ATRN: variants seen among roughly 807,000 people sequenced by gnomAD.
ATRN encodes the protein attractin-2.
In ATRN, 54 loss-of-function variants were observed where a neutral mutation model predicts 178.7. The observed-to-expected ratio is 0.30, with a 90% CI of 0.24 to 0.38. The LOEUF is 0.38. Among genes scored for constraint, ATRN ranks in the 10% least tolerant of loss-of-function variants. The pLI is 1.00. For missense variants in ATRN, 1,443 were observed against 1,815.1 expected (o/e 0.79, Z 3.73); for synonymous variants, 636 against 663.0 (o/e 0.96, Z 0.63).
At chr20:3,514,358 T>A (rs2085178033) in intron 1 of ATRN, among the ~76,000 whole-genome samples, 1 of 152,220 alleles carries the variant, frequency 6.6e-6, no homozygotes, top group Non-Finnish European at 1.5e-5. Context: ...AATTCTATTC[T>A]TGTTTTCATA....
At chr20:3,564,114 G>A (rs765916218) in intron 10 of ATRN, among the ~76,000 whole-genome samples, 3 of 152,104 alleles carry the variant, frequency 2.0e-5, no homozygotes, top group African/African-American at 4.8e-5. Flanking sequence ...TCAGACATTC[G>A]TTTTTAACAG....
At chr20:3,609,372 T>C (rs905054761) in intron 24 of ATRN, among the ~76,000 whole-genome samples, 11 of 152,198 alleles carry the variant, frequency 7.2e-5, no homozygotes, top group African/African-American at 2.7e-4. Flanking sequence ...CTGATTTTTG[T>C]GTGTTGATTT....
chr20:3,594,597 CCAGGGAGGACCAA>C, intron 20 of ATRN, 25 bp downstream of exon 20: 1 of 1,587,422 alleles, frequency 6.3e-7, no homozygotes, highest in Non-Finnish European at 8.6e-7. Flanking sequence ...CCCTGGACCA[CCAGGGAGGACCAA>C]GAGGCTGTGC....
Position 3,580,259 on chromosome 20 carries a change from C to G in ATRN, c.2544+1487C>G, listed in dbSNP as rs183528454. On this transcript the variant is annotated intron_variant, in intron 15 of 28. Coordinates refer to ENST00000262919, the MANE Select transcript of ATRN (RefSeq NM_139321.3). Reference sequence around the variant, plus strand: ...TACCCTGGTGTCTCTAACAATGACTCTCGAGTCCACAGAAGTTAAAAGGGT... The same window carrying G: ...TACCCTGGTGTCTCTAACAATGACTGTCGAGTCCACAGAAGTTAAAAGGGT... Among the ~76,000 whole-genome samples the G allele has an allele frequency of 4.6e-3, 702 of 152,252 alleles. 2 individuals are homozygous for G. The highest frequency in any genetic ancestry group is 0.02 in the Middle Eastern group (6 of 294).
intron 8 of ATRN, 76 bp downstream of exon 8, chr20:3,560,981 A>G: frequency 6.5e-7 from 1 of 1,540,526 alleles, no homozygotes; most frequent in Non-Finnish European, 8.9e-7. Flanking sequence ...TTGACTGTTT[A>G]GAAAAGTTCA....
chr20:3,519,516 A>G (rs1014642029), intron 1 of ATRN, among the ~76,000 whole-genome samples: 1 of 152,210 alleles, frequency 6.6e-6, no homozygotes, highest in Admixed American at 6.5e-5. Flanking sequence ...AAAGATAGAA[A>G]TCATGAAAGC....
At chr20:3,641,590 CAAAAAAAAAAAA>C (rs61692220) in intron 27 of ATRN, among the ~76,000 whole-genome samples, 3 of 47,820 alleles carry the variant, frequency 6.3e-5, no homozygotes, top group Admixed American at 3.3e-4. Flanking sequence ...GACTCTGTCG[CAAAAAAAAAAAA>C]AAAAAAAAAA....
intron 6 of ATRN, among the ~76,000 whole-genome samples, chr20:3,552,975 CTGT>C (rs2085810620): frequency 6.6e-6 from 1 of 152,100 alleles, no homozygotes; most frequent in Non-Finnish European, 1.5e-5. Flanking sequence ...TCGCCATATT[CTGT>C]TTGTTAAAAG....
chr20:3,473,350 C>T (rs1683230903), intron 1 of ATRN, among the ~76,000 whole-genome samples: 2 of 151,746 alleles, frequency 1.3e-5, no homozygotes, highest in Admixed American at 6.6e-5. Flanking sequence ...GTACTACCTG[C>T]GTGAGGGGTG....
chr20:3,527,206 T>C (rs1433090505), intron 1 of ATRN, among the ~76,000 whole-genome samples: 1 of 151,872 alleles, frequency 6.6e-6, no homozygotes, highest in Non-Finnish European at 1.5e-5. Context: ...ATACCCAGAA[T>C]CTACAAAGAC....
At position 3,638,676 on chromosome 20, in the gene ATRN, C is replaced by T. The variant is rs1736372595; in HGVS notation, c.3943-152C>T. 3.2e-6 allele frequency: 2 copies of T among 631,406 alleles called. No individual in the cohort carries two copies. The highest frequency in any genetic ancestry group is 5.4e-6 in the Non-Finnish European group (2 of 369,970). The allele number at this position is 631,406 out of a possible 1,614,324, so 39.1% of individuals were successfully genotyped here. On this transcript the variant is annotated intron_variant, in intron 26 of 28. Transcript: ENST00000262919. This position sits in a 1 kb window ranked among gnomAD's most constrained non-coding sequence, Gnocchi z 4.5. ...TCACATCCAACAAAATTTAGTAATC[C>T]CTAATGTTATCTAATATCAAGTCTA...
intron 27 of ATRN, among the ~76,000 whole-genome samples, chr20:3,642,591 G>A (rs775026470): frequency 2.0e-5 from 3 of 151,984 alleles, no homozygotes; most frequent in Non-Finnish European, 4.4e-5. Context: ...TCTCTCACCT[G>A]GATTCTTGCA....
chr20:3,614,809 G>A (rs898366907), intron 24 of ATRN, among the ~76,000 whole-genome samples: 9 of 151,684 alleles, frequency 5.9e-5, no homozygotes, highest in Non-Finnish European at 1.0e-4. Context: ...CCCCTCTTCC[G>A]GCAACCCCCA....
chr20:3,560,163 C>A (rs2085931323), intron 7 of ATRN, among the ~76,000 whole-genome samples: 1 of 152,036 alleles, frequency 6.6e-6, no homozygotes, highest in African/African-American at 2.4e-5. Flanking sequence ...CACCAGCCTG[C>A]CAGCCTCTGG....
At chr20:3,581,470 G>C (rs1173776401) in intron 15 of ATRN, among the ~76,000 whole-genome samples, 2 of 152,162 alleles carry the variant, frequency 1.3e-5, no homozygotes, top group African/African-American at 4.8e-5. Flanking sequence ...TGGATGAATG[G>C]ATAAAGCAAA....
intron 1 of ATRN, among the ~76,000 whole-genome samples, chr20:3,486,671 C>T (rs554421059): frequency 6.6e-6 from 1 of 152,268 alleles, no homozygotes; most frequent in East Asian, 1.9e-4. Flanking sequence ...TGTGAGCCAC[C>T]ACACCAAACC....
At chr20:3,553,237 C>T (rs1413898492) in intron 6 of ATRN, among the ~76,000 whole-genome samples, 1 of 152,126 alleles carries the variant, frequency 6.6e-6, no homozygotes, top group Non-Finnish European at 1.5e-5. Context: ...ATGAAAGACA[C>T]ATATTTACCA....
chr20:3,510,154 T>G (rs1035731718), intron 1 of ATRN, among the ~76,000 whole-genome samples: 3 of 152,230 alleles, frequency 2.0e-5, no homozygotes, highest in Admixed American at 6.5e-5. Context: ...CTGTTTGTGT[T>G]TCATTCTGTC....
intron 2 of ATRN, among the ~76,000 whole-genome samples, chr20:3,538,911 C>G (rs1204821091): frequency 6.6e-6 from 1 of 152,194 alleles, no homozygotes; most frequent in African/African-American, 2.4e-5. Flanking sequence ...GCCTCTTTCT[C>G]CCTTAAGACT....
Sources: allele counts gnomAD v4.1 joint callset (sites outside exome capture counted in the v4.1 genomes callset), GRCh38; gene constraint gnomAD v4.1.1; non-coding constraint Gnocchi (gnomAD v3.1); transcripts MANE v1.5; gene names NCBI Gene and HGNC (gene_info 2026-07-23, HGNC 2026-07-21).